Variants in FSD2 observed in about 807,000 individuals in gnomAD.
FSD2 encodes the protein fibronectin type III and SPRY domain-containing protein 2.
In FSD2, 71 loss-of-function variants were observed where a neutral mutation model predicts 80.4. That is an observed-to-expected ratio of 0.88 (90% CI 0.73 to 1.08). The LOEUF is 1.08. Ranked by LOEUF, FSD2 falls within the 50% of genes least tolerant of loss-of-function variation. The probability of loss-of-function intolerance (pLI) is 0.00; values close to 1 mark genes in which losing one functional copy is unlikely to be tolerated. For missense variants in FSD2, 923 were observed against 913.8 expected (o/e 1.01, Z -0.13); for synonymous variants, 361 against 329.5 (o/e 1.10, Z -1.03).
At chr15:82,761,686 T>A (rs2049299243) in intron 12 of FSD2, among the ~76,000 whole-genome samples, 1 of 142,216 alleles carries the variant, frequency 7.0e-6, no homozygotes, top group Non-Finnish European at 1.6e-5. Context: ...TATTTTATTA[T>A]TTTTTTTTTT....
chr15:82,774,705 C>A (rs2049669847), intron 6 of FSD2, among the ~76,000 whole-genome samples: 1 of 151,784 alleles, frequency 6.6e-6, no homozygotes, highest in East Asian at 1.9e-4. Flanking sequence ...GAAAAAAATA[C>A]TTGTTTCTAA....
At chr15:82,759,635 A>T in intron 12 of FSD2, 35 bp from the exon 13 acceptor site, 1 of 1,471,502 alleles carries the variant, frequency 6.8e-7, no homozygotes, top group Non-Finnish European at 9.2e-7. Flanking sequence ...AAGTTTCAGT[A>T]ATTCTATAGA....
chr15:82,779,184 T>TC (rs1226783377), intron 5 of FSD2, among the ~76,000 whole-genome samples: 2 of 152,044 alleles, frequency 1.3e-5, no homozygotes, highest in Non-Finnish European at 2.9e-5. Flanking sequence ...CTCTGGAAGA[T>TC]CTCTTAGGTG....
chr15:82,767,692 C>T (rs2049455885), intron 9 of FSD2, among the ~76,000 whole-genome samples: 1 of 152,180 alleles, frequency 6.6e-6, no homozygotes, highest in Non-Finnish European at 1.5e-5. Context: ...TGGCCAGAAC[C>T]ACTGGACACA....
chr15:82,769,910 C>T, intron 7 of FSD2, 26 bp from the exon 8 acceptor site: 1 of 1,611,982 alleles, frequency 6.2e-7, no homozygotes, highest in African/African-American at 1.3e-5. Context: ...GATAAGAATT[C>T]AACCCTAAAA....
At chr15:82,763,161 T>C (rs1254555067) in intron 11 of FSD2, among the ~76,000 whole-genome samples, 1 of 152,198 alleles carries the variant, frequency 6.6e-6, no homozygotes, top group Non-Finnish European at 1.5e-5. Context: ...TGTTTCAAAT[T>C]CAGAATGTCC....
chr15:82,780,137 C>T, intron 5 of FSD2, 108 bp downstream of exon 5: 1 of 753,056 alleles, frequency 1.3e-6, no homozygotes, highest in East Asian at 3.0e-5. Flanking sequence ...TCAGGATTGA[C>T]ACAAAAGCTG....
At chr15:82,790,719 G>A (rs1019233497) in intron 1 of FSD2, among the ~76,000 whole-genome samples, 3 of 149,762 alleles carry the variant, frequency 2.0e-5, no homozygotes, top group African/African-American at 7.4e-5. Context: ...GGGACTATAG[G>A]CGCCCGCCAC....
chr15:82,769,587 C>T (rs1246986036), intron 8 of FSD2, among the ~76,000 whole-genome samples, 163 bp downstream of exon 8: 1 of 151,834 alleles, frequency 6.6e-6, no homozygotes, highest in Non-Finnish European at 1.5e-5. Flanking sequence ...ATGTCACTGT[C>T]AAACTAGGCA....
chr15:82,785,485 C>T (rs1244270183), intron 3 of FSD2, among the ~76,000 whole-genome samples: 3 of 151,870 alleles, frequency 2.0e-5, no homozygotes, highest in Non-Finnish European at 4.4e-5. Flanking sequence ...GCACCACACC[C>T]AGCTAATTTT....
chr15:82,780,951 A>C (rs2049842112), intron 4 of FSD2, among the ~76,000 whole-genome samples: 1 of 152,034 alleles, frequency 6.6e-6, no homozygotes, highest in Non-Finnish European at 1.5e-5. Flanking sequence ...CAGGAGGATC[A>C]TCTGAGCCCA....
At chr15:82,764,628 G>A (rs1221072718) in intron 11 of FSD2, among the ~76,000 whole-genome samples, 2 of 150,682 alleles carry the variant, frequency 1.3e-5, no homozygotes, top group Non-Finnish European at 3.0e-5. Flanking sequence ...ACAGGCACCC[G>A]CAACAGGCCC....
intron 9 of FSD2, among the ~76,000 whole-genome samples, chr15:82,768,414 T>A (rs2049473920): frequency 6.6e-6 from 1 of 152,200 alleles, no homozygotes; most frequent in African/African-American, 2.4e-5. Flanking sequence ...CCACCACCAT[T>A]CTCTGTTTTA....
At chr15:82,776,280 C>G (rs2049711240) in intron 6 of FSD2, among the ~76,000 whole-genome samples, 2 of 152,212 alleles carry the variant, frequency 1.3e-5, no homozygotes, top group Non-Finnish European at 2.9e-5. Context: ...GAGTGAAACC[C>G]TATTTCAAAA....
chr15:82,779,256 T>C (rs1476515750), intron 5 of FSD2, among the ~76,000 whole-genome samples: 1 of 152,098 alleles, frequency 6.6e-6, no homozygotes, highest in Non-Finnish European at 1.5e-5. Flanking sequence ...GGGTCCAGAC[T>C]CCCCAGGCTT....
intron 6 of FSD2, among the ~76,000 whole-genome samples, chr15:82,777,387 C>T (rs1354831193): frequency 2.6e-5 from 4 of 151,912 alleles, no homozygotes; most frequent in Non-Finnish European, 4.4e-5. Flanking sequence ...AAATCCAAAC[C>T]GATTAAAAAA....
intron 3 of FSD2, among the ~76,000 whole-genome samples, chr15:82,784,212 G>C (rs1460461984): frequency 6.6e-6 from 1 of 151,942 alleles, no homozygotes; most frequent in Admixed American, 6.6e-5. Context: ...TAAGCTGGCA[G>C]AGCAGCATGT....
At chr15:82,765,553 C>A (rs2049396429) in intron 10 of FSD2, among the ~76,000 whole-genome samples, 1 of 152,134 alleles carries the variant, frequency 6.6e-6, no homozygotes, top group Non-Finnish European at 1.5e-5. Flanking sequence ...AACAGAGGCA[C>A]AAGGTGGTTA....
intron 8 of FSD2, among the ~76,000 whole-genome samples, chr15:82,769,267 G>C (rs1336856136): frequency 6.6e-6 from 1 of 152,190 alleles, no homozygotes; most frequent in Non-Finnish European, 1.5e-5. Flanking sequence ...CCAACCATCA[G>C]AAAATGTCAC....
Sources: allele counts gnomAD v4.1 joint callset (sites outside exome capture counted in the v4.1 genomes callset), GRCh38; gene constraint gnomAD v4.1.1; transcripts MANE v1.5; gene names NCBI Gene and HGNC (gene_info 2026-07-23, HGNC 2026-07-21).